DOCK5: variants seen among roughly 807,000 people sequenced by gnomAD.
DOCK5 encodes the protein dedicator of cytokinesis protein 5.
In DOCK5, 142 loss-of-function variants were observed where a neutral mutation model predicts 251.8. The ratio of observed to expected loss-of-function variants is 0.56; its 90% CI spans 0.49 to 0.65. DOCK5 has a LOEUF of 0.65. Ranked by LOEUF, DOCK5 falls within the 30% of genes least tolerant of loss-of-function variation. The pLI is 0.00. For missense variants in DOCK5, 2,111 were observed against 2,312.3 expected, an observed-to-expected ratio of 0.91 and a Z score of 1.79; for synonymous variants, 842 against 835.5, an observed-to-expected ratio of 1.01 and a Z score of -0.13.
At chr8:25,388,750 A>G (rs527357077) in intron 40 of DOCK5, 14 of 212,700 alleles carry the variant, frequency 6.6e-5, no homozygotes, top group African/African-American at 3.1e-4. Context: ...TGAAAATATC[A>G]GCATGCCTGT....
intron 4 of DOCK5, 106 bp downstream of exon 4, chr8:25,275,547 A>C: frequency 3.4e-6 from 4 of 1,162,454 alleles, no homozygotes; most frequent in Non-Finnish European, 4.9e-6. Context: ...TAGTTCTCTC[A>C]TCTCAGGCCA....
intron 40 of DOCK5, among the ~76,000 whole-genome samples, chr8:25,384,938 A>G (rs979136702): frequency 2.6e-5 from 4 of 152,148 alleles, no homozygotes; most frequent in African/African-American, 9.7e-5. Flanking sequence ...ATCTCAAAAT[A>G]AAATAAAAAA....
intron 1 of DOCK5, among the ~76,000 whole-genome samples, chr8:25,213,316 T>C (rs1245293351): frequency 1.3e-5 from 2 of 150,190 alleles, no homozygotes; most frequent in African/African-American, 4.9e-5. Context: ...CAGATATTTT[T>C]GTTTCACAGG....
At chr8:25,369,358 A>G (rs995287939) in intron 33 of DOCK5, among the ~76,000 whole-genome samples, 198 bp from the exon 34 acceptor site, 6 of 152,206 alleles carry the variant, frequency 3.9e-5, no homozygotes, top group African/African-American at 1.4e-4. Flanking sequence ...AATGCAAAGG[A>G]CAAAGTAACA....
At chr8:25,384,431 T>TTTTATTTATTTATTTA (rs200273148) in intron 40 of DOCK5, among the ~76,000 whole-genome samples, 15 of 132,760 alleles carry the variant, frequency 1.1e-4, no homozygotes, top group South Asian at 2.5e-4. Flanking sequence ...AATATTATTA[T>TTTTATTTATTTATTTA]TTTATTTATT....
At position 25,359,840 on chromosome 8, in the gene DOCK5, G is replaced by C. The variant is rs150282554; in HGVS notation, c.2949+779G>C. On this transcript the variant is annotated intron_variant, in intron 28 of 51. Coordinates refer to ENST00000276440, the MANE Select transcript of DOCK5 (RefSeq NM_024940.8). ...AGTTATCTTCAGATGAAAATATTTTGTTCTCTATTGTTTTAAGCAGGAAAA... is the reference window on the plus strand; with the variant it reads ...AGTTATCTTCAGATGAAAATATTTTCTTCTCTATTGTTTTAAGCAGGAAAA... 8.7e-3 allele frequency among the ~76,000 whole-genome samples: 1,327 copies of C among 152,326 alleles called. 4 individuals are homozygous for C. The highest frequency in any genetic ancestry group is 0.031 in the Middle Eastern group (9 of 294).
chr8:25,410,232 C>T, intron 51 of DOCK5, 30 bp downstream of exon 51: 1 of 1,583,162 alleles, frequency 6.3e-7, no homozygotes, highest in Non-Finnish European at 8.7e-7. Context: ...CAACTGTGGC[C>T]AGGGAGCGCC....
In DOCK5 at chr8:25,380,333, A is replaced by G. The variant is rs148109382; in HGVS notation, c.3965A>G (p.Lys1322Arg). ...KMWEKAIKLSKELAETYESKV... is the reference protein window; with the variant it reads ...KMWEKAIKLSRELAETYESKV... The stretch of plus-strand genomic sequence containing the variant: ...TGGGAGAAGGCCATCAAGCTGAGCA[A>G]AGAGTTGGCTGAGACTTACGAAAGC... Residue 1322 changes from lysine (K) to arginine (R), a missense_variant, in exon 39 of 52, where the codon AAA becomes AGA. Physicochemically the swap from Lys to Arg is conservative, Grantham distance 26. Coordinates refer to ENST00000276440, the MANE Select transcript of DOCK5 (RefSeq NM_024940.8). 256 of 1,612,234 alleles carry G rather than the reference A, an allele frequency of 1.6e-4. 1 individual carries two copies. The highest frequency in any genetic ancestry group is 9.9e-4 in the Middle Eastern group (6 of 6,062).
intron 10 of DOCK5, among the ~76,000 whole-genome samples, chr8:25,303,395 C>T (rs759714852): frequency 6.6e-6 from 1 of 152,134 alleles, no homozygotes; most frequent in African/African-American, 2.4e-5. Context: ...AGTGGTTTGC[C>T]GGTCTAGGAA....
chr8:25,200,329 C>T (rs1801850985), intron 1 of DOCK5, among the ~76,000 whole-genome samples: 1 of 152,166 alleles, frequency 6.6e-6, no homozygotes, highest in Admixed American at 6.5e-5. Flanking sequence ...TTCATTATAG[C>T]ATTATTTATA....
Position 25,368,604 on chromosome 8 carries a change from T to C in DOCK5, c.3317T>C (p.Val1106Ala). The C allele has an allele frequency of 6.2e-7, 1 of 1,612,648 alleles. No individual in the cohort carries two copies. The highest frequency in any genetic ancestry group is 8.5e-7 in the Non-Finnish European group (1 of 1,179,524). The change falls in exon 33 of 52, where the codon GTG becomes GCG. Residue 1106 changes from valine to alanine, a missense_variant. Around this residue, in one of 3 missense-constraint regions of DOCK5, gnomAD observed 1,717 missense variants for 1,892.4 expected, o/e 0.91. Transcript: ENST00000276440. ...PHKIKFIPSM[V>A]GPILEVTLTP... Reference sequence around the variant, plus strand: ...AAAATCAAATTCATCCCATCCATGGTGGGTCCCATTCTGGAGGTCACTCTG... The same window carrying C: ...AAAATCAAATTCATCCCATCCATGGCGGGTCCCATTCTGGAGGTCACTCTG...
intron 1 of DOCK5, among the ~76,000 whole-genome samples, chr8:25,198,779 G>T (rs1801798268): frequency 6.6e-6 from 1 of 152,124 alleles, no homozygotes; most frequent in African/African-American, 2.4e-5. Context: ...GCAAATTTTT[G>T]TTTCAACTTG....
At chr8:25,382,872 AC>A in intron 40 of DOCK5, 94 bp downstream of exon 40, 1 of 1,017,970 alleles carries the variant, frequency 9.8e-7, no homozygotes, top group Non-Finnish European at 1.4e-6. Context: ...GCAGCTGCCG[AC>A]CCGTGTTCTC....
At chr8:25,375,058 A>G (rs1800940666) in intron 37 of DOCK5, 5 of 942,938 alleles carry the variant, frequency 5.3e-6, no homozygotes, top group Non-Finnish European at 6.7e-6. Flanking sequence ...TGGTTTAGAT[A>G]TAAATACATC....
intron 36 of DOCK5, 41 bp downstream of exon 36, chr8:25,373,699 T>C: frequency 6.5e-7 from 1 of 1,544,434 alleles, no homozygotes; most frequent in South Asian, 1.2e-5. Context: ...GTTTATTTCA[T>C]GGCTTTGTGA....
chr8:25,317,968 G>C (rs537568409), intron 14 of DOCK5, among the ~76,000 whole-genome samples: 1 of 152,150 alleles, frequency 6.6e-6, no homozygotes, highest in Non-Finnish European at 1.5e-5. Context: ...ATGAGTTATT[G>C]TCTCTGGGAA....
intron 16 of DOCK5, among the ~76,000 whole-genome samples, chr8:25,322,804 T>C (rs1805461080): frequency 6.6e-6 from 1 of 152,204 alleles, no homozygotes; most frequent in African/African-American, 2.4e-5. Flanking sequence ...CTAGCTGGGC[T>C]GGAGCCGGAT....
chr8:25,344,252 G>C (rs753231925), intron 25 of DOCK5, among the ~76,000 whole-genome samples: 61 of 152,204 alleles, frequency 4.0e-4, no homozygotes, highest in Non-Finnish European at 1.8e-4. Context: ...TAGCCACCAA[G>C]TGTTTCTGTC....
intron 37 of DOCK5, chr8:25,375,880 T>C: frequency 2.2e-6 from 2 of 926,984 alleles, no homozygotes; most frequent in Non-Finnish European, 2.6e-6. Context: ...AGCAGATCAC[T>C]TGGGGTCAGG....
Sources: allele counts gnomAD v4.1 joint callset (sites outside exome capture counted in the v4.1 genomes callset), GRCh38; gene constraint gnomAD v4.1.1; regional missense constraint gnomAD v4.1.1; transcripts MANE v1.5; gene names NCBI Gene and HGNC (gene_info 2026-07-23, HGNC 2026-07-21).